PCDHA11: variants seen among roughly 807,000 people sequenced by gnomAD.
PCDHA11 encodes the protein protocadherin alpha 11.
A neutral mutation model predicts 70.3 loss-of-function variants in PCDHA11; 61 were observed. That is an observed-to-expected ratio of 0.87 (90% CI 0.71 to 1.07). The LOEUF is 1.07. PCDHA11 is among the 50% of genes least tolerant of loss of function. The pLI, the probability that PCDHA11 is intolerant of heterozygous loss-of-function variation, is 0.00. For missense variants in PCDHA11, 1,324 were observed against 1,237.5 expected (o/e 1.07, Z -1.05); for synonymous variants, 633 against 555.1 (o/e 1.14, Z -1.97).
chr5:140,969,863 C>A (rs1305470999), intron 1 of PCDHA11, among the ~76,000 whole-genome samples: 1 of 152,156 alleles, frequency 6.6e-6, no homozygotes, highest in Non-Finnish European at 1.5e-5. Context: ...CTGGTACTTG[C>A]ACTGAACCTA....
rs1305231081 is a variant in PCDHA11 at position 141,010,857 on chromosome 5, G to A, written c.*920G>A. The A allele has an allele frequency of 6.5e-6, 1 of 153,732 alleles. No homozygotes were observed. The highest frequency in any genetic ancestry group is 2.4e-5 in the African/African-American group (1 of 41,448). 9.5% of individuals were successfully genotyped at this position (153,732 alleles called of 1,614,324 possible). ...ATAGATTTATTTAAAAAAAGAGAAAGTCTATAGCTATAAATCTTTAAAGAG... is the reference window on the plus strand; with the variant it reads ...ATAGATTTATTTAAAAAAAGAGAAAATCTATAGCTATAAATCTTTAAAGAG... On this transcript the variant is annotated 3_prime_UTR_variant, in exon 4 of 4. Transcript: ENST00000398640.
In PCDHA11 at chr5:140,869,287, C is replaced by T; in HGVS notation, c.184C>T (p.Arg62Cys). 6.2e-7 allele frequency: 1 copy of T among 1,613,538 alleles called. No homozygotes were observed. Among genetic ancestry groups the T allele is most frequent in the Non-Finnish European group, 8.5e-7 (1 of 1,179,958 alleles). The change falls in exon 1 of 4, where the codon CGC (arginine) becomes TGC (cysteine). Residue 62 changes from arginine (R) to cysteine (C), a missense_variant. Coordinates refer to ENST00000398640, the MANE Select transcript of PCDHA11 (RefSeq NM_018902.5). The part of the protein sequence containing the change: ...LGLELAELVQ[R>C]LFRVASKTHG... ...GCTGGAGCTGGCGGAGCTGGTGCAG[C>T]GCCTGTTCCGGGTGGCGTCCAAAAC... is the stretch of plus-strand genomic sequence containing the variant.
intron 1 of PCDHA11, among the ~76,000 whole-genome samples, chr5:140,954,127 T>A (rs530320994): frequency 2.6e-5 from 4 of 152,372 alleles, no homozygotes; most frequent in Non-Finnish European, 5.9e-5. Context: ...TTCCTTTTTA[T>A]GGATGCATAG....
Position 140,887,790 on chromosome 5 carries a change from T to C in PCDHA11, c.2391+16296T>C, listed in dbSNP as rs564215639. On this transcript the variant is annotated intron_variant, in intron 1 of 3. Coordinates refer to ENST00000398640, the MANE Select transcript of PCDHA11 (RefSeq NM_018902.5). ...ACAATGACACAGGTCATTGAAGCGT[T>C]CTTTATTTTTGTCCATTTCTTTCTC... Among the ~76,000 whole-genome samples, 4 of 152,288 alleles carry C rather than the reference T, an allele frequency of 2.6e-5. No individual in the cohort carries two copies. The East Asian group carries it at 7.7e-4, about 29-fold the overall frequency.
intron 3 of PCDHA11, among the ~76,000 whole-genome samples, chr5:141,003,942 G>C (rs1054043476): frequency 2.0e-5 from 3 of 152,148 alleles, no homozygotes; most frequent in Non-Finnish European, 2.9e-5. Flanking sequence ...TTGCCTGAGG[G>C]TGAGCTAGGA....
intron 3 of PCDHA11, among the ~76,000 whole-genome samples, chr5:140,989,698 A>G (rs145222021): frequency 6.6e-6 from 1 of 152,344 alleles, no homozygotes; most frequent in African/African-American, 2.4e-5. Flanking sequence ...TGAAAATTTT[A>G]TCTTCAGAGG....
chr5:140,872,381 A>G (rs1211312378), intron 1 of PCDHA11, among the ~76,000 whole-genome samples: 2 of 152,058 alleles, frequency 1.3e-5, no homozygotes, highest in Non-Finnish European at 2.9e-5. Context: ...AATCCCAGCT[A>G]TTTGGGAGGC....
At chr5:140,990,492 A>G (rs533006418) in intron 3 of PCDHA11, among the ~76,000 whole-genome samples, 1 of 152,308 alleles carries the variant, frequency 6.6e-6, no homozygotes, top group South Asian at 2.1e-4. Flanking sequence ...TAGTGAGGTG[A>G]CATTCCCCAA....
intron 1 of PCDHA11, chr5:140,877,968 C>A: frequency 7.9e-7 from 1 of 1,272,970 alleles, no homozygotes; most frequent in Non-Finnish European, 1.0e-6. Context: ...CTTTCTTGGT[C>A]ATTCTTACTC....
intron 3 of PCDHA11, among the ~76,000 whole-genome samples, chr5:141,007,961 C>G (rs1554261577): frequency 6.6e-6 from 1 of 152,176 alleles, no homozygotes; most frequent in East Asian, 1.9e-4. Flanking sequence ...TGCTCATTCT[C>G]TGGGTGTCTG....
intron 1 of PCDHA11, chr5:140,882,420 A>G: frequency 1.2e-6 from 2 of 1,614,046 alleles, no homozygotes; most frequent in Non-Finnish European, 1.7e-6. Flanking sequence ...ATCGCTCAGG[A>G]CCTGGGGCTG....
Position 140,946,631 on chromosome 5 carries a change from T to TATATATATATATATATATATATATAC in PCDHA11, c.2392-32317_2392-32316insTATATATATATATATATATATATACA, listed in dbSNP as rs57893927. ...TGTGAAATATATATATATATATATA[T>TATATATATATATATATATATATATAC]ACAATGGAATACTCATCAGCCATTA... On this transcript the variant is annotated intron_variant, in intron 1 of 3. Coordinates refer to ENST00000398640, the MANE Select transcript of PCDHA11 (RefSeq NM_018902.5). 3.1e-3 allele frequency among the ~76,000 whole-genome samples: 414 copies of TATATATATATATATATATATATATAC among 131,704 alleles called. 27 individuals carry two copies. Among genetic ancestry groups the TATATATATATATATATATATATATAC allele is most frequent in the African/African-American group, 0.013 (382 of 28,586 alleles). 86.4% of individuals were successfully genotyped at this position (131,704 alleles called of 152,430 possible). A position where few individuals can be genotyped will look rare whatever the true frequency, so the allele number is the denominator to read the frequency against.
At chr5:140,959,524 C>T (rs187530929) in intron 1 of PCDHA11, among the ~76,000 whole-genome samples, 1 of 152,024 alleles carries the variant, frequency 6.6e-6, no homozygotes. Context: ...ATCTTTAAGA[C>T]CATTAATTCA....
At chr5:140,883,217 G>A (rs868963567) in intron 1 of PCDHA11, 1 of 1,613,990 alleles carries the variant, frequency 6.2e-7, no homozygotes, top group Non-Finnish European at 8.5e-7. Context: ...GAAATTATAT[G>A]AAATATCCGT....
At position 140,937,762 on chromosome 5, in the gene PCDHA11, A is replaced by T. The variant is rs955142751; in HGVS notation, c.2392-41187A>T. Among the ~76,000 whole-genome samples, 6 of 151,868 alleles carry T rather than the reference A, an allele frequency of 4.0e-5. No individual in the cohort carries two copies. The South Asian group carries it at 6.2e-4, about 16-fold the overall frequency. On this transcript the variant is annotated intron_variant, in intron 1 of 3. Coordinates refer to ENST00000398640, the MANE Select transcript of PCDHA11 (RefSeq NM_018902.5). ...CCCGTCTCTACTAAAAATACAAAAA[A>T]TTAGTCGGGCGTGGTGGCGGGCGTA... is the stretch of plus-strand genomic sequence containing the variant.
chr5:140,904,773 CATT>C (rs2071382352), intron 1 of PCDHA11, among the ~76,000 whole-genome samples: 1 of 152,076 alleles, frequency 6.6e-6, no homozygotes, highest in Non-Finnish European at 1.5e-5. Flanking sequence ...GATGGTATCA[CATT>C]ATTGTTTTAA....
intron 1 of PCDHA11, among the ~76,000 whole-genome samples, chr5:140,913,421 A>T (rs2076328410): frequency 6.6e-6 from 1 of 152,144 alleles, no homozygotes; most frequent in Non-Finnish European, 1.5e-5. Flanking sequence ...CTGCAGTATC[A>T]GTTGTAATGC....
intron 1 of PCDHA11, among the ~76,000 whole-genome samples, chr5:140,871,878 C>T (rs1390055446): frequency 6.6e-6 from 1 of 152,222 alleles, no homozygotes; most frequent in Non-Finnish European, 1.5e-5. Context: ...TTTAAATTTG[C>T]TCCTCTTTGT....
intron 1 of PCDHA11, among the ~76,000 whole-genome samples, chr5:140,957,285 G>A (rs1036077483): frequency 2.0e-5 from 3 of 152,144 alleles, no homozygotes; most frequent in Non-Finnish European, 4.4e-5. Context: ...CTTACCTGCA[G>A]TTTCACTCTG....
Sources: gnomAD v4.1 joint callset for allele counts (sites outside exome capture counted in the v4.1 genomes callset) on GRCh38, gnomAD v4.1.1 for gene constraint, MANE v1.5 for transcripts, NCBI Gene and HGNC (gene_info 2026-07-23, HGNC 2026-07-21) for gene names.